Variants in PRKACB observed in about 807,000 individuals in gnomAD.
The protein encoded by PRKACB is protein kinase cAMP-activated catalytic subunit beta, also known as cAMP-dependent protein kinase catalytic subunit beta.
A neutral mutation model predicts 51.4 loss-of-function variants in PRKACB; 16 were observed. That is an observed-to-expected ratio of 0.31 (90% CI 0.21 to 0.47). The LOEUF is 0.47. Ranked by LOEUF, PRKACB falls within the 20% of genes least tolerant of loss-of-function variation. The pLI is 1.00. For synonymous variants in PRKACB, 147 were observed against 154.4 expected (o/e 0.95, Z 0.35); for missense variants, 309 against 464.5 (o/e 0.67, Z 3.08).
chr1:84,107,833 AACATGC>A (rs1444319545), intron 1 of PRKACB, among the ~76,000 whole-genome samples: 9 of 152,078 alleles, frequency 5.9e-5, no homozygotes, highest in Non-Finnish European at 1.2e-4. Context: ...GTAAAAAAAT[AACATGC>A]TGACAAGCTT....
chr1:84,090,208 A>C (rs548935016), intron 1 of PRKACB, among the ~76,000 whole-genome samples: 35 of 152,204 alleles, frequency 2.3e-4, no homozygotes, highest in Non-Finnish European at 2.6e-4. Context: ...CTTCTCCATT[A>C]TCTCTCTCAT....
intron 1 of PRKACB, among the ~76,000 whole-genome samples, chr1:84,088,764 C>T (rs1172577360): frequency 6.6e-6 from 1 of 152,146 alleles, no homozygotes; most frequent in Non-Finnish European, 1.5e-5. Flanking sequence ...TATTGAGCGC[C>T]TACTTTAAAC....
At chr1:84,158,069 CTTTCT>C (rs1024340054) in intron 1 of PRKACB, among the ~76,000 whole-genome samples, 13 of 126,704 alleles carry the variant, frequency 1.0e-4, no homozygotes, top group African/African-American at 2.8e-4. Context: ...ATCAGTCTTT[CTTTCT>C]TTTTTTTTTT....
intron 5 of PRKACB, among the ~76,000 whole-genome samples, chr1:84,190,400 T>C (rs1558192468): frequency 6.6e-6 from 1 of 151,990 alleles, no homozygotes; most frequent in Non-Finnish European, 1.5e-5. Context: ...GGATTACTTA[T>C]GAAAATTGAG....
At chr1:84,126,241 A>G (rs1651595780) in intron 1 of PRKACB, among the ~76,000 whole-genome samples, 1 of 152,148 alleles carries the variant, frequency 6.6e-6, no homozygotes, top group African/African-American at 2.4e-5. Context: ...TTGGTACCCG[A>G]GTACTTGTCT....
intron 8 of PRKACB, chr1:84,204,334 T>C: frequency 4.1e-6 from 2 of 483,898 alleles, no homozygotes; most frequent in Non-Finnish European, 7.4e-6. Flanking sequence ...CCTAGCTAGG[T>C]GTTGAATGCT....
chr1:84,181,763 T>C, intron 2 of PRKACB: 1 of 1,408,764 alleles, frequency 7.1e-7, no homozygotes, highest in Non-Finnish European at 9.5e-7. Flanking sequence ...TCCCTCAGTT[T>C]ATCTATTCAT....
At chr1:84,194,405 G>A (rs1210619195) in intron 5 of PRKACB, among the ~76,000 whole-genome samples, 1 of 152,120 alleles carries the variant, frequency 6.6e-6, no homozygotes, top group Non-Finnish European at 1.5e-5. Context: ...ACAATTGCCA[G>A]TGTCCATCTT....
chr1:84,097,423 T>C (rs1649009759), intron 1 of PRKACB, among the ~76,000 whole-genome samples: 1 of 152,046 alleles, frequency 6.6e-6, no homozygotes, highest in African/African-American at 2.4e-5. Context: ...TTCACCATCC[T>C]TGGTATTGAC....
At chr1:84,221,407 A>G (rs1035140323) in intron 9 of PRKACB, among the ~76,000 whole-genome samples, 2 of 149,104 alleles carry the variant, frequency 1.3e-5, no homozygotes, top group East Asian at 2.0e-4. Context: ...TTTCATTTTT[A>G]TGATCCTTTG....
chr1:84,207,030 T>TG (rs1418309208), intron 8 of PRKACB, among the ~76,000 whole-genome samples: 1 of 152,216 alleles, frequency 6.6e-6, no homozygotes, highest in African/African-American at 2.4e-5. Context: ...GCTATGGCCA[T>TG]AGTTAAAGAG....
At chr1:84,207,128 A>C (rs1671448871) in intron 8 of PRKACB, among the ~76,000 whole-genome samples, 1 of 152,156 alleles carries the variant, frequency 6.6e-6, no homozygotes, top group African/African-American at 2.4e-5. Context: ...TAAACACTTC[A>C]CTGTGGCTAT....
chr1:84,103,316 T>A (rs1649492098), intron 1 of PRKACB, among the ~76,000 whole-genome samples: 1 of 152,016 alleles, frequency 6.6e-6, no homozygotes, highest in Non-Finnish European at 1.5e-5. Context: ...GGGTTGAGGC[T>A]CTGTCCTCTT....
At chr1:84,220,394 G>T (rs747143161) in intron 9 of PRKACB, among the ~76,000 whole-genome samples, 1 of 151,956 alleles carries the variant, frequency 6.6e-6, no homozygotes, top group East Asian at 1.9e-4. Context: ...GAAAGGAGGG[G>T]CATTGTATTT....
At chr1:84,209,711 G>C (rs1671855099) in intron 8 of PRKACB, among the ~76,000 whole-genome samples, 1 of 152,154 alleles carries the variant, frequency 6.6e-6, no homozygotes, top group Non-Finnish European at 1.5e-5. Flanking sequence ...CATTGTTAAA[G>C]GATCACTCGG....
Position 84,184,042 on chromosome 1 carries a change from T to C in PRKACB, c.384T>C (p.Val128=), listed in dbSNP as rs531494615. ...AMKILDKQKV[V]KLKQIEHTLN... is the part of the protein sequence containing the mutation. Reference sequence around the variant, plus strand: ...TATTTATCTCTCAATTACAGGTTGTTAAACTGAAGCAAATAGAGCATACTT... The same window carrying C: ...TATTTATCTCTCAATTACAGGTTGTCAAACTGAAGCAAATAGAGCATACTT... The change falls in exon 4 of 10, where the codon GTT becomes GTC. Residue 128 remains valine, a synonymous_variant. Coordinates refer to ENST00000370685, the MANE Select transcript of PRKACB (RefSeq NM_182948.4). 1 of 1,581,272 alleles carries C rather than the reference T, an allele frequency of 6.3e-7. No homozygotes were observed. Among genetic ancestry groups the C allele is most frequent in the African/African-American group, 1.4e-5 (1 of 73,482 alleles).
chr1:84,176,170 G>T (rs1295777721), intron 1 of PRKACB, among the ~76,000 whole-genome samples: 6 of 151,708 alleles, frequency 4.0e-5, no homozygotes, highest in African/African-American at 1.5e-4. Flanking sequence ...TTATATATTA[G>T]AACACAATAA....
chr1:84,207,921 G>A (rs939775120), intron 8 of PRKACB, among the ~76,000 whole-genome samples: 1 of 152,046 alleles, frequency 6.6e-6, no homozygotes, highest in Admixed American at 6.5e-5. Context: ...AGGCTGAAGT[G>A]CAGTGGCACA....
intron 1 of PRKACB, among the ~76,000 whole-genome samples, chr1:84,112,225 C>CTTTTTTTTTT (rs905575496): frequency 4.1e-4 from 49 of 119,998 alleles, no homozygotes; most frequent in African/African-American, 4.7e-4. Context: ...TGGACTGCTT[C>CTTTTTTTTTT]TTTTTTTTTT....
Sources: gnomAD v4.1 joint callset for allele counts (sites outside exome capture counted in the v4.1 genomes callset) on GRCh38, gnomAD v4.1.1 for gene constraint, MANE v1.5 for transcripts, NCBI Gene and HGNC (gene_info 2026-07-23, HGNC 2026-07-21) for gene names.